The following OR3A1 variants were observed in gnomAD, a reference collection of about 807,000 sequenced individuals.
OR3A1 encodes olfactory receptor family 3 subfamily A member 1.
For missense variants in OR3A1, 402 were observed against 393.8 expected, an observed-to-expected ratio of 1.02 and a Z score of -0.18; for synonymous variants, 145 against 160.0, an observed-to-expected ratio of 0.91 and a Z score of 0.71.
At position 3,291,540 on chromosome 17, in the gene OR3A1, G is replaced by A; in HGVS notation, c.*95C>T. The A allele has an allele frequency of 1.0e-6, 1 of 955,234 alleles. No homozygotes were observed. Among genetic ancestry groups the A allele is most frequent in the Non-Finnish European group, 1.6e-6 (1 of 644,844 alleles). The allele number at this position is 955,234 out of a possible 1,614,324, so 59.2% of individuals were successfully genotyped here. On this transcript the variant is annotated 3_prime_UTR_variant, in exon 2 of 2. Coordinates refer to ENST00000323404, the MANE Select transcript of OR3A1 (RefSeq NM_002550.3). ...AAGTCCTTCTTATGCCCATGAAACA[G>A]AAACAGGTGTGAACCATTTTTTTCC... is the stretch of plus-strand genomic sequence containing the variant.
chr17:3,294,666 T>G lies in OR3A1; in HGVS notation c.-6-2078A>C, dbSNP rs2048905405. On this transcript the variant is annotated intron_variant, in intron 1 of 1. Coordinates refer to ENST00000323404, the MANE Select transcript of OR3A1 (RefSeq NM_002550.3). ...CACTGAATATCAATGATTAAAAAAA[T>G]GGATAGCCTAGTCAAAAAACAGACA... is the stretch of plus-strand genomic sequence containing the variant. Among the ~76,000 whole-genome samples the G allele has an allele frequency of 2.0e-5, 3 of 152,022 alleles. No individual in the cohort carries two copies. In the South Asian group the frequency reaches 6.2e-4, roughly 31 times the overall value.
At position 3,292,599 on chromosome 17, in the gene OR3A1, A is replaced by G; in HGVS notation, c.-6-11T>C. On this transcript the variant is annotated splice_polypyrimidine_tract_variant and intron_variant, in intron 1 of 1. Coordinates refer to ENST00000323404, the MANE Select transcript of OR3A1 (RefSeq NM_002550.3). Reference sequence around the variant, plus strand: ...TGGCTGCATGAGTTCCTGCAAAGAAACATCCAGGGAGGAAAAGAATCACTC... The same window carrying G: ...TGGCTGCATGAGTTCCTGCAAAGAAGCATCCAGGGAGGAAAAGAATCACTC... 1 of 1,563,542 alleles carries G rather than the reference A, an allele frequency of 6.4e-7. No individual in the cohort carries two copies. Among genetic ancestry groups the G allele is most frequent in the African/African-American group, 1.4e-5 (1 of 73,024 alleles).
intron 1 of OR3A1, among the ~76,000 whole-genome samples, chr17:3,296,820 C>CA (rs1459340026): frequency 6.6e-6 from 1 of 152,144 alleles, no homozygotes; most frequent in Admixed American, 6.5e-5. Context: ...ATTACACTAC[C>CA]ACCAACATTC....
chr17:3,292,507 G>A lies in OR3A1; in HGVS notation c.76C>T (p.Leu26=), dbSNP rs2048885223. 1.2e-6 allele frequency: 2 copies of A among 1,613,818 alleles called. No individual in the cohort carries two copies. Among genetic ancestry groups the A allele is most frequent in the Non-Finnish European group, 1.7e-6 (2 of 1,180,002 alleles). ...AAGAGCACAAAGACAACTGGCTGCAGCCCTGGCGCCTCCAGCAAGCCCAGC... is the reference window on the plus strand; with the variant it reads ...AAGAGCACAAAGACAACTGGCTGCAACCCTGGCGCCTCCAGCAAGCCCAGC... ...ILLGLLEAPG[L]QPVVFVLFLF... is the part of the protein sequence containing the mutation. Residue 26 remains leucine, a synonymous_variant, in exon 2 of 2, where the codon CTG becomes TTG. Transcript: ENST00000323404.
Position 3,292,314 on chromosome 17 carries a change from G to T in OR3A1, c.269C>A (p.Ser90Tyr), listed in dbSNP as rs773218076. The T allele has an allele frequency of 1.2e-6, 2 of 1,614,188 alleles. No individual in the cohort carries two copies. The highest frequency in any genetic ancestry group is 1.1e-5 in the South Asian group (1 of 91,080). ...CCCACAGGGAACTGCACGCTTGCGG[G>T]ACAGGAGACGACTCAACATTGATGG... ...TVPSMLSRLL[S>Y]RKRAVPCGAC... The change falls in exon 2 of 2, where the codon TCC (serine) becomes TAC (tyrosine). Residue 90 changes from serine to tyrosine, a missense_variant. Ser to Tyr is a moderately radical substitution (Grantham distance 144, BLOSUM62 -2). Coordinates refer to ENST00000323404, the MANE Select transcript of OR3A1 (RefSeq NM_002550.3).
intron 1 of OR3A1, among the ~76,000 whole-genome samples, chr17:3,297,637 T>C (rs1346687952): frequency 2.0e-5 from 3 of 151,750 alleles, no homozygotes; most frequent in African/African-American, 7.3e-5. Flanking sequence ...ACACCTCCTC[T>C]ACTCCATTGT....
In OR3A1 at chr17:3,291,584, G is replaced by C; in HGVS notation, c.*51C>G. ...TTTTTCCTAGTTTCTGGCTCTAGAA[G>C]ACTTTTCCTTTAGTACAAGACACAG... is the stretch of plus-strand genomic sequence containing the variant. On this transcript the variant is annotated 3_prime_UTR_variant, in exon 2 of 2. Coordinates refer to ENST00000323404, the MANE Select transcript of OR3A1 (RefSeq NM_002550.3). 1 of 1,438,410 alleles carries C rather than the reference G, an allele frequency of 7.0e-7. No homozygotes were observed. The highest frequency in any genetic ancestry group is 9.4e-7 in the Non-Finnish European group (1 of 1,063,716). 89.1% of individuals were successfully genotyped at this position (1,438,410 alleles called of 1,614,324 possible). A position where few individuals can be genotyped will look rare whatever the true frequency, so the allele number is the denominator to read the frequency against.
intron 1 of OR3A1, among the ~76,000 whole-genome samples, chr17:3,297,879 C>G (rs565580780): frequency 1.8e-4 from 28 of 151,722 alleles, no homozygotes; most frequent in African/African-American, 6.0e-4. Context: ...AAGATTGATA[C>G]GATTTAAGGG....
rs148379342 is a variant in OR3A1 at position 3,291,293 on chromosome 17, C to T, written c.*342G>A. ...TTCTGGCGGGGAGTTTTCTGGGGTA[C>T]TTCTGGCAACTAAGGCTGTAACCAA... On this transcript the variant is annotated 3_prime_UTR_variant, in exon 2 of 2. Transcript: ENST00000323404. 5.3e-3 allele frequency: 1,125 copies of T among 212,922 alleles called. 12 individuals are homozygous for T. The highest frequency in any genetic ancestry group is 0.02 in the African/African-American group (881 of 43,746). 13.2% of individuals were successfully genotyped at this position (212,922 alleles called of 1,614,324 possible). A position where few individuals can be genotyped will look rare whatever the true frequency, so the allele number is the denominator to read the frequency against.
rs1466667008 is a variant in OR3A1, at chr17:3,292,005, G to C, written c.578C>G (p.Ser193Cys). The part of the protein sequence containing the change: ...DLPQLFQLSC[S>C]STQLNELLLF... The stretch of plus-strand genomic sequence containing the variant: ...CAGCAGCTCATTGAGTTGGGTGCTG[G>C]AGCAGGAGAGCTGGAAGAGCTGTGG... Residue 193 changes from serine to cysteine, a missense_variant, in exon 2 of 2, where the codon TCC becomes TGC. By Grantham distance (112) the Ser-to-Cys change is moderately radical (BLOSUM62 -1). Coordinates refer to ENST00000323404, the MANE Select transcript of OR3A1 (RefSeq NM_002550.3). 6 of 1,614,112 alleles carry C rather than the reference G, an allele frequency of 3.7e-6. No individual in the cohort carries two copies. In the African/African-American group the frequency reaches 8.0e-5, roughly 22 times the overall value.
intron 1 of OR3A1, 50 bp from the exon 2 acceptor site, chr17:3,292,638 A>T: frequency 7.0e-7 from 1 of 1,428,396 alleles, no homozygotes; most frequent in Non-Finnish European, 9.5e-7. Flanking sequence ...CCAATAATTT[A>T]TTTACTCAAG....
At position 3,295,087 on chromosome 17, in the gene OR3A1, T is replaced by C. The variant is rs193084219; in HGVS notation, c.-6-2499A>G. ...AACAATAGGTCTAAGACTAAAACAT[T>C]TGTGAAAATTGTAAGTATGAAAGAA... On this transcript the variant is annotated intron_variant, in intron 1 of 1. Coordinates refer to ENST00000323404, the MANE Select transcript of OR3A1 (RefSeq NM_002550.3). 1.4e-3 allele frequency among the ~76,000 whole-genome samples: 215 copies of C among 152,162 alleles called. 1 individual carries two copies. The Middle Eastern group carries it at 0.031, about 22-fold the overall frequency.
At position 3,291,917 on chromosome 17, in the gene OR3A1, G is replaced by T; in HGVS notation, c.666C>A (p.Ile222=). Residue 222 remains isoleucine (I), a synonymous_variant, in exon 2 of 2, where the codon ATC becomes ATA. Transcript: ENST00000323404. ...TTCGCAGGACTGCAGCTGCCACGTG[G>T]ATATAGGAGATGACAATGAGAGCCA... ...TPMALIVISY[I]HVAAAVLRIR... 6.2e-7 allele frequency: 1 copy of T among 1,614,212 alleles called. No homozygotes were observed. Among genetic ancestry groups the T allele is most frequent in the South Asian group, 1.1e-5 (1 of 91,088 alleles).
intron 1 of OR3A1, 110 bp from the exon 2 acceptor site, chr17:3,292,698 T>A: frequency 1.2e-6 from 1 of 867,050 alleles, no homozygotes. Flanking sequence ...CCACGTTCCC[T>A]CTGTACAAGT....
At chr17:3,292,688 C>T in intron 1 of OR3A1, 100 bp from the exon 2 acceptor site, 1 of 957,594 alleles carries the variant, frequency 1.0e-6, no homozygotes, top group East Asian at 2.6e-5. Context: ...CGGCCCTCTG[C>T]CACGTTCCCT....
Position 3,291,805 on chromosome 17 carries a change from A to G in OR3A1, c.778T>C (p.Phe260Leu), listed in dbSNP as rs765967770. The part of the protein sequence containing the change: ...VVAIFYGSGI[F>L]NYMRLGSTKL... ...GTTGAACCCAGTCGCATATAGTTAA[A>G]GATACCTGAACCATAGAATATGGCA... Residue 260 changes from phenylalanine (F) to leucine (L), a missense_variant, in exon 2 of 2, where the codon TTT (phenylalanine) becomes CTT (leucine). By Grantham distance (22) the Phe-to-Leu change is conservative (BLOSUM62 0). Transcript: ENST00000323404. 1.3e-5 allele frequency: 21 copies of G among 1,613,764 alleles called. No homozygotes were observed. In the South Asian group the frequency reaches 2.3e-4, roughly 18 times the overall value.
chr17:3,294,143 T>C (rs904566885), intron 1 of OR3A1, among the ~76,000 whole-genome samples: 2 of 150,752 alleles, frequency 1.3e-5, no homozygotes, highest in Non-Finnish European at 3.0e-5. Context: ...AAAAAGAAAA[T>C]TGTTACCCAA....
Position 3,292,678 on chromosome 17 carries a change from C to A in OR3A1, c.-6-90G>T, listed in dbSNP as rs2676604. 31 of 1,082,218 alleles carry A rather than the reference C, an allele frequency of 2.9e-5. No homozygotes were observed. The African/African-American group carries it at 4.4e-4, about 15-fold the overall frequency. The allele number at this position is 1,082,218 out of a possible 1,614,324, so 67.0% of individuals were successfully genotyped here. A position where few individuals can be genotyped will look rare whatever the true frequency, so the allele number is the denominator to read the frequency against. On this transcript the variant is annotated intron_variant, in intron 1 of 1. Transcript: ENST00000323404. Reference sequence around the variant, plus strand: ...AGAAACAGACCCCCTTCTACTTGCCCGGCCCTCTGCCACGTTCCCTCTGTA... The same window carrying A: ...AGAAACAGACCCCCTTCTACTTGCCAGGCCCTCTGCCACGTTCCCTCTGTA...
intron 1 of OR3A1, among the ~76,000 whole-genome samples, chr17:3,295,596 T>TA (rs2048912631): frequency 6.6e-6 from 1 of 151,940 alleles, no homozygotes; most frequent in South Asian, 2.1e-4. Flanking sequence ...CAAACACACT[T>TA]ACAATGATAA....
Sources: allele counts gnomAD v4.1 joint callset (sites outside exome capture counted in the v4.1 genomes callset), GRCh38; gene constraint gnomAD v4.1.1; transcripts MANE v1.5; gene names NCBI Gene and HGNC (gene_info 2026-07-23, HGNC 2026-07-21).